HEATR5A: variants seen among roughly 807,000 people sequenced by gnomAD.
HEATR5A encodes HEAT repeat-containing protein 5A.
Under a neutral mutation model 218.8 loss-of-function variants are expected in HEATR5A, and 178 were observed. That is an observed-to-expected ratio of 0.81 (90% CI 0.72 to 0.92). The LOEUF (loss-of-function observed/expected upper bound fraction) is 0.92. HEATR5A is among the 40% of genes least tolerant of loss of function. HEATR5A has a pLI of 0.00. For missense variants in HEATR5A, 2,420 were observed against 2,418.9 expected, an observed-to-expected ratio of 1.00 and a Z score of -0.01; for synonymous variants, 864 against 871.6, an observed-to-expected ratio of 0.99 and a Z score of 0.15.
At chr14:31,337,138 C>T (rs1278612060) in intron 22 of HEATR5A, among the ~76,000 whole-genome samples, 1 of 152,200 alleles carries the variant, frequency 6.6e-6, no homozygotes, top group Admixed American at 6.5e-5. Flanking sequence ...TGGCACACAG[C>T]TGTACTAACA....
At chr14:31,359,287 AGTGTGTGTGTGTGT>A (rs35338545) in intron 14 of HEATR5A, among the ~76,000 whole-genome samples, 2 of 50,508 alleles carry the variant, frequency 4.0e-5, no homozygotes, top group East Asian at 3.7e-4. Flanking sequence ...AAAGTGTAAG[AGTGTGTGTGTGTGT>A]GTGTGTGTGT....
At chr14:31,419,762 G>A (rs2031578635) in intron 1 of HEATR5A, among the ~76,000 whole-genome samples, 1 of 152,214 alleles carries the variant, frequency 6.6e-6, no homozygotes, top group African/African-American at 2.4e-5. Flanking sequence ...GCTTTATAAA[G>A]TTTCTAAAGA....
intron 33 of HEATR5A, among the ~76,000 whole-genome samples, chr14:31,299,259 T>C (rs1466510193): frequency 6.6e-6 from 1 of 152,218 alleles, no homozygotes; most frequent in Non-Finnish European, 1.5e-5. Flanking sequence ...AATCAAACTA[T>C]CAGTAAGTTC....
chr14:31,348,413 T>G (rs1566763324), intron 18 of HEATR5A, among the ~76,000 whole-genome samples: 1 of 147,438 alleles, frequency 6.8e-6, no homozygotes. Context: ...CTGTCTCTAC[T>G]AAAAAAAAAA....
chr14:31,366,963 A>G (rs1901826799), intron 13 of HEATR5A, among the ~76,000 whole-genome samples: 1 of 152,248 alleles, frequency 6.6e-6, no homozygotes, highest in Admixed American at 6.5e-5. Context: ...ACACCATCCT[A>G]TCAGTAAAAC....
chr14:31,320,372 G>A (rs1270120316), intron 25 of HEATR5A: 16 of 936,224 alleles, frequency 1.7e-5, no homozygotes, highest in East Asian at 9.7e-5. Flanking sequence ...GCCAAACACC[G>A]CTCCAATGCC....
rs1289498013 is a variant in HEATR5A, at chr14:31,392,008, A to T, written c.772+2044T>A. Among the ~76,000 whole-genome samples, 4 of 152,228 alleles carry T rather than the reference A, an allele frequency of 2.6e-5. No individual in the cohort carries two copies. In the East Asian group the frequency reaches 7.7e-4, roughly 29 times the overall value. ...TATTAAGCTATGCATGACTGCATCT[A>T]CCTGGACTCATCACATTTTCCTCAT... On this transcript the variant is annotated intron_variant, in intron 6 of 35. Transcript: ENST00000543095.
intron 32 of HEATR5A, among the ~76,000 whole-genome samples, chr14:31,304,409 TA>T (rs974331264): frequency 6.6e-6 from 1 of 152,172 alleles, no homozygotes; most frequent in Admixed American, 6.5e-5. Context: ...TTGCTATCTC[TA>T]TATTTTCACT....
At chr14:31,374,176 T>C (rs1170689149) in intron 12 of HEATR5A, among the ~76,000 whole-genome samples, 1 of 151,782 alleles carries the variant, frequency 6.6e-6, no homozygotes, top group Admixed American at 6.6e-5. Context: ...CATGGTGGCA[T>C]GCACCTGTGG....
chr14:31,415,615 C>T (rs2031419028), intron 1 of HEATR5A, among the ~76,000 whole-genome samples: 1 of 152,126 alleles, frequency 6.6e-6, no homozygotes, highest in South Asian at 2.1e-4. Flanking sequence ...TGTATATCTG[C>T]TTTGCTTTTT....
In HEATR5A at chr14:31,333,319, G is replaced by A. The variant is rs529946542; in HGVS notation, c.3367+4157C>T. On this transcript the variant is annotated intron_variant, in intron 22 of 35. Coordinates refer to ENST00000543095, the MANE Select transcript of HEATR5A (RefSeq NM_015473.4). Reference sequence around the variant, plus strand: ...GCTGGAGTACAGTGGCGTGATCTTGGCTCACTGCAACCTCTGCCTCCCGGG... The same window carrying A: ...GCTGGAGTACAGTGGCGTGATCTTGACTCACTGCAACCTCTGCCTCCCGGG... 6.6e-5 allele frequency among the ~76,000 whole-genome samples: 10 copies of A among 152,004 alleles called. 1 individual carries two copies. Among genetic ancestry groups the A allele is most frequent in the South Asian group, 6.3e-4 (3 of 4,774 alleles).
In HEATR5A at chr14:31,336,175, T is replaced by A. The variant is rs1214230823; in HGVS notation, c.3367+1301A>T. On this transcript the variant is annotated intron_variant, in intron 22 of 35. Coordinates refer to ENST00000543095, the MANE Select transcript of HEATR5A (RefSeq NM_015473.4). ...AAAATTTTTTGTAGAGATGGGGTCA[T>A]GCCATATTGCGCAGGGGGTTATTTT... Among the ~76,000 whole-genome samples, 4 of 143,688 alleles carry A rather than the reference T, an allele frequency of 2.8e-5. No individual in the cohort carries two copies. The South Asian group carries it at 8.9e-4, about 32-fold the overall frequency. The allele number at this position is 143,688 out of a possible 152,430, so 94.3% of individuals were successfully genotyped here. A position where few individuals can be genotyped will look rare whatever the true frequency, so the allele number is the denominator to read the frequency against.
At position 31,404,621 on chromosome 14, in the gene HEATR5A, C is replaced by T. The variant is rs544328953; in HGVS notation, c.-74-1572G>A. On this transcript the variant is annotated intron_variant, in intron 1 of 35. Transcript: ENST00000543095. ...GAAGATTGCACATAAAAATCTGGGT[C>T]CAGGGCCAGGCACAGTGGCTCACAC... Among the ~76,000 whole-genome samples the T allele has an allele frequency of 2.2e-4, 34 of 152,224 alleles. 1 individual carries two copies. In the South Asian group the frequency reaches 6.6e-3, roughly 30 times the overall value.
At chr14:31,393,890 C>T (rs1176150001) in intron 6 of HEATR5A, among the ~76,000 whole-genome samples, 162 bp downstream of exon 6, 1 of 152,140 alleles carries the variant, frequency 6.6e-6, no homozygotes, top group Admixed American at 6.6e-5. Context: ...TCAGGTGATC[C>T]ACCCGCCTTG....
At chr14:31,394,650 C>T (rs1465349632) in intron 5 of HEATR5A, among the ~76,000 whole-genome samples, 1 of 151,840 alleles carries the variant, frequency 6.6e-6, no homozygotes, top group African/African-American at 2.4e-5. Context: ...CCCGTCTCTA[C>T]TAAAAATACA....
chr14:31,347,192 T>C (rs1901050948), intron 19 of HEATR5A, among the ~76,000 whole-genome samples: 1 of 152,154 alleles, frequency 6.6e-6, no homozygotes, highest in Non-Finnish European at 1.5e-5. Context: ...AAATAGTAGA[T>C]GCTGTTATTA....
chr14:31,364,015 T>C (rs1901718835), intron 14 of HEATR5A, among the ~76,000 whole-genome samples, 174 bp downstream of exon 14: 1 of 152,194 alleles, frequency 6.6e-6, no homozygotes, highest in African/African-American at 2.4e-5. Context: ...ATGTTTTTTT[T>C]ACTATAAGAT....
At chr14:31,386,291 T>C in intron 9 of HEATR5A, 129 bp downstream of exon 9, 1 of 686,488 alleles carries the variant, frequency 1.5e-6, no homozygotes, top group Non-Finnish European at 2.3e-6. Context: ...ATCCTGATTA[T>C]AAATTTTTCA....
intron 1 of HEATR5A, among the ~76,000 whole-genome samples, chr14:31,409,654 C>T (rs114140300): frequency 0.011 from 1,661 of 152,164 alleles, 26 homozygotes; most frequent in African/African-American, 0.037. Flanking sequence ...GGGCCAAGAT[C>T]GCGCCACTGC....
Sources: gnomAD v4.1 joint callset for allele counts (sites outside exome capture counted in the v4.1 genomes callset) on GRCh38, gnomAD v4.1.1 for gene constraint, MANE v1.5 for transcripts, NCBI Gene and HGNC (gene_info 2026-07-23, HGNC 2026-07-21) for gene names.